Variants in NAA16 observed in about 807,000 individuals in gnomAD.
NAA16 encodes N-alpha-acetyltransferase 16, NatA auxiliary subunit.
In NAA16, 97 loss-of-function variants were observed where a neutral mutation model predicts 110.3. The ratio of observed to expected loss-of-function variants is 0.88; its 90% CI spans 0.75 to 1.04. The LOEUF (loss-of-function observed/expected upper bound fraction) is 1.04, where lower values mean the gene tolerates loss of function less well. Ranked by LOEUF, NAA16 falls within the 50% of genes least tolerant of loss-of-function variation. The pLI is 0.00. For missense variants in NAA16, 1,017 were observed against 1,005.1 expected, an observed-to-expected ratio of 1.01 and a Z score of -0.16; for synonymous variants, 372 against 330.6, an observed-to-expected ratio of 1.13 and a Z score of -1.36.
chr13:41,362,763 A>G, intron 13 of NAA16: 1 of 1,289,770 alleles, frequency 7.8e-7, no homozygotes, highest in Non-Finnish European at 1.0e-6. Context: ...CAGGAGGAAA[A>G]GAGCCGCAAA....
chr13:41,350,609 TTTTTTTTTTTGTTTGTTTG>T (rs2042807461), intron 9 of NAA16, among the ~76,000 whole-genome samples: 8 of 16,142 alleles, frequency 5.0e-4, no homozygotes, highest in African/African-American at 3.2e-3. Context: ...TTTTTTTTGT[TTTTTTTTTTTGTTTGTTTG>T]TTTTTTTTAA....
chr13:41,370,928 A>T (rs2043303700), intron 15 of NAA16, among the ~76,000 whole-genome samples: 1 of 152,240 alleles, frequency 6.6e-6, no homozygotes. Context: ...TTGTTAACAG[A>T]AAAAGCCTTG....
At chr13:41,324,108 T>C (rs927573839) in intron 5 of NAA16, among the ~76,000 whole-genome samples, 1 of 152,202 alleles carries the variant, frequency 6.6e-6, no homozygotes, top group Non-Finnish European at 1.5e-5. Flanking sequence ...TTTATATTTT[T>C]TAATCTGCTA....
At position 41,311,615 on chromosome 13, in the gene NAA16, G is replaced by C. The variant is rs375726283; in HGVS notation, c.54+33G>C. The C allele has an allele frequency of 5.0e-6, 8 of 1,586,790 alleles. No individual in the cohort carries two copies. The South Asian group carries it at 5.7e-5, about 11-fold the overall frequency. On this transcript the variant is annotated intron_variant, in intron 1 of 19. Transcript: ENST00000379406. ...GCCGTAGGCCGCGCTGCCGCCCCCC[G>C]GTCCCCGGGTCCTCGGGCCTTAAGG...
intron 4 of NAA16, 92 bp from the exon 5 acceptor site, chr13:41,322,964 C>G (rs1176907050): frequency 9.0e-7 from 1 of 1,113,212 alleles, no homozygotes; most frequent in East Asian, 2.4e-5. Flanking sequence ...TGATATAGTT[C>G]ATTAGAAATG....
Position 41,358,962 on chromosome 13 carries a change from G to T in NAA16, c.1410G>T (p.Arg470Ser). ...EAEEMCSKFT[R>S]EGTSAMENLN... ...AGGAAATGTGCTCCAAGTTCACAAG[G>T]GTAGGAAATAGCATGCATGAGCATG... The change falls in exon 12 of 20, where the codon AGG becomes AGT. Residue 470 changes from arginine (R) to serine (S), a missense_variant and splice_region_variant. Arg to Ser is a moderately radical substitution (Grantham distance 110). Transcript: ENST00000379406. The T allele has an allele frequency of 1.3e-6, 2 of 1,597,234 alleles. No homozygotes were observed. Among genetic ancestry groups the T allele is most frequent in the South Asian group, 1.1e-5 (1 of 89,004 alleles).
At position 41,353,172 on chromosome 13, in the gene NAA16, G is replaced by T. The variant is rs913235817; in HGVS notation, c.1015-1972G>T. On this transcript the variant is annotated intron_variant, in intron 9 of 19. Transcript: ENST00000379406. ...TCACCCTAGAGATGCATAAACGTCC[G>T]CCCTTTTAAAAGCCACCTCTGGTTG... is the stretch of plus-strand genomic sequence containing the variant. 4.0e-5 allele frequency among the ~76,000 whole-genome samples: 6 copies of T among 148,660 alleles called. No homozygotes were observed. The East Asian group carries it at 1.2e-3, about 30-fold the overall frequency.
At chr13:41,370,949 A>AGCCT (rs1356609687) in intron 15 of NAA16, among the ~76,000 whole-genome samples, 2 of 152,220 alleles carry the variant, frequency 1.3e-5, no homozygotes, top group African/African-American at 4.8e-5. Flanking sequence ...AAAGCCATCA[A>AGCCT]GCCTGAAACA....
rs950932197 is a variant in NAA16 at position 41,373,595 on chromosome 13, A to G, written c.2156-42A>G. ...CAGTAGGTTTTTTTTTTTTCAAAGGACAGATCAAAAACAAAAAATCCAAAT... is the reference window on the plus strand; with the variant it reads ...CAGTAGGTTTTTTTTTTTTCAAAGGGCAGATCAAAAACAAAAAATCCAAAT... On this transcript the variant is annotated intron_variant, in intron 17 of 19. Transcript: ENST00000379406. The G allele has an allele frequency of 3.3e-6, 5 of 1,528,572 alleles. No individual in the cohort carries two copies. The African/African-American group carries it at 7.1e-5, about 22-fold the overall frequency. The allele number at this position is 1,528,572 out of a possible 1,614,324, so 94.7% of individuals were successfully genotyped here.
intron 7 of NAA16, among the ~76,000 whole-genome samples, chr13:41,330,831 C>T (rs946031037): frequency 1.3e-5 from 2 of 151,996 alleles, no homozygotes; most frequent in African/African-American, 4.8e-5. Context: ...CATTTGCAAT[C>T]GTAATCCTAA....
chr13:41,372,808 T>C lies in NAA16; in HGVS notation c.2133T>C (p.Cys711=). ...INSNNPWLHE[C]LIRFSKSVSN... is the part of the protein sequence containing the mutation. ...GTAATAACCCATGGTTACATGAATG[T>C]TTAATTAGATTTTCTAAATCTGGTA... The change falls in exon 17 of 20, where the codon TGT becomes TGC. Residue 711 remains cysteine (C), a synonymous_variant. Transcript: ENST00000379406. 1 of 1,584,152 alleles carries C rather than the reference T, an allele frequency of 6.3e-7. No homozygotes were observed. Among genetic ancestry groups the C allele is most frequent in the Non-Finnish European group, 8.6e-7 (1 of 1,161,188 alleles).
chr13:41,367,755 G>A (rs1056771133), intron 14 of NAA16, 103 bp downstream of exon 14: 1 of 753,866 alleles, frequency 1.3e-6, no homozygotes, highest in Non-Finnish European at 2.0e-6. Context: ...GTCTGTTGGA[G>A]TTGAAGACAA....
intron 9 of NAA16, among the ~76,000 whole-genome samples, chr13:41,341,661 G>T (rs1202158548): frequency 6.6e-6 from 1 of 152,156 alleles, no homozygotes; most frequent in East Asian, 1.9e-4. Flanking sequence ...AGGTTGCAGT[G>T]ACCTGTGATC....
rs2041547339 is a variant in NAA16 at position 41,311,332 on chromosome 13, G to A, written c.-197G>A. On this transcript the variant is annotated 5_prime_UTR_variant, in exon 1 of 20. Transcript: ENST00000379406. ...GCGGAGCCCAGGGGAAGCGTGTCCT[G>A]CTCAGACCGCCTTCCTTCTCCATTG... 1.7e-6 allele frequency: 1 copy of A among 597,378 alleles called. No homozygotes were observed. Among genetic ancestry groups the A allele is most frequent in the Non-Finnish European group, 2.9e-6 (1 of 340,704 alleles). The allele number at this position is 597,378 out of a possible 1,614,324, so 37.0% of individuals were successfully genotyped here.
At chr13:41,350,615 TTTTTGTTTGTTTG>T (rs2042808706) in intron 9 of NAA16, among the ~76,000 whole-genome samples, 1 of 18,584 alleles carries the variant, frequency 5.4e-5, no homozygotes, top group African/African-American at 2.2e-4. Flanking sequence ...TTGTTTTTTT[TTTTTGTTTGTTTG>T]TTTTTTTTAA....
chr13:41,329,746 A>G (rs1262193989), intron 7 of NAA16, among the ~76,000 whole-genome samples: 5 of 152,014 alleles, frequency 3.3e-5, no homozygotes, highest in Admixed American at 3.3e-4. Context: ...GAAAACAGCA[A>G]AGCTCATATG....
At chr13:41,324,962 T>TC (rs2042052150) in intron 5 of NAA16, among the ~76,000 whole-genome samples, 1 of 148,658 alleles carries the variant, frequency 6.7e-6, no homozygotes, top group South Asian at 2.1e-4. Context: ...GTTTAGTTTT[T>TC]TTTTTTTTTT....
intron 14 of NAA16, among the ~76,000 whole-genome samples, 192 bp downstream of exon 14, chr13:41,367,844 ATGGTTCT>A (rs1372565088): frequency 6.6e-6 from 1 of 152,212 alleles, no homozygotes; most frequent in Admixed American, 6.5e-5. Context: ...TCTGTAGCTG[ATGGTTCT>A]AAATTACTTT....
chr13:41,360,270 G>A (rs549721523), intron 12 of NAA16, among the ~76,000 whole-genome samples: 1 of 152,226 alleles, frequency 6.6e-6, no homozygotes, highest in East Asian at 1.9e-4. Flanking sequence ...GATGGTCAAA[G>A]GAAATGCTCA....
Sources: allele counts gnomAD v4.1 joint callset (sites outside exome capture counted in the v4.1 genomes callset), GRCh38; gene constraint gnomAD v4.1.1; transcripts MANE v1.5; gene names NCBI Gene and HGNC (gene_info 2026-07-23, HGNC 2026-07-21).